The following CALN1 variants were observed in gnomAD, a reference collection of about 807,000 sequenced individuals.
The protein encoded by CALN1 is calneuron 1, also known as calcium-binding protein 8.
A neutral mutation model predicts 30.6 loss-of-function variants in CALN1; 17 were observed. The ratio of observed to expected loss-of-function variants is 0.56; its 90% CI spans 0.38 to 0.83. The LOEUF (loss-of-function observed/expected upper bound fraction) is 0.83, where lower values mean the gene tolerates loss of function less well. Among genes scored for constraint, CALN1 ranks in the 40% least tolerant of loss-of-function variants. CALN1 has a pLI of 0.00. For synonymous variants in CALN1, 156 were observed against 131.4 expected (o/e 1.19, Z -1.28); for missense variants, 291 against 354.9 (o/e 0.82, Z 1.45).
chr7:72,430,025 T>C (rs954006029), intron 1 of CALN1, among the ~76,000 whole-genome samples: 1 of 151,080 alleles, frequency 6.6e-6, no homozygotes, highest in Non-Finnish European at 1.5e-5. Flanking sequence ...TTCACCTTGT[T>C]GGCCAGGCTG....
intron 1 of CALN1, among the ~76,000 whole-genome samples, chr7:72,431,144 C>T (rs1229705010): frequency 1.3e-5 from 2 of 151,706 alleles, no homozygotes; most frequent in East Asian, 3.9e-4. Flanking sequence ...TGGCCAGGCT[C>T]GTCTCGAACT....
intron 2 of CALN1, among the ~76,000 whole-genome samples, chr7:72,303,138 A>T (rs901271245): frequency 7.2e-5 from 11 of 152,150 alleles, no homozygotes; most frequent in African/African-American, 2.2e-4. Context: ...GAAATCACTC[A>T]GTGAATTATT....
chr7:72,422,028 A>C (rs538757136), intron 1 of CALN1, among the ~76,000 whole-genome samples: 1 of 152,234 alleles, frequency 6.6e-6, no homozygotes, highest in Admixed American at 6.5e-5. Context: ...CCACTTGTGG[A>C]TCGACCCGCA....
chr7:72,484,400 T>C, the CALN1 span, among the ~76,000 whole-genome samples: 2 of 152,190 alleles, frequency 1.3e-5, no homozygotes, highest in Admixed American at 1.3e-4. Flanking sequence ...GAAAGACCTG[T>C]GAACTCTAAC....
At chr7:72,096,089 ATAAAGAT>A in intron 4 of CALN1, among the ~76,000 whole-genome samples, 1 of 152,170 alleles carries the variant, frequency 6.6e-6, no homozygotes, top group African/African-American at 2.4e-5. Context: ...AGATAGATAG[ATAAAGAT>A]AGATAGATAG....
intron 2 of CALN1, among the ~76,000 whole-genome samples, chr7:72,355,380 G>A (rs1240707658): frequency 1.3e-5 from 2 of 152,094 alleles, no homozygotes; most frequent in East Asian, 1.9e-4. Context: ...ACAAAAATTA[G>A]CTAGGCGTGG....
chr7:71,941,243 G>A (rs1296416660), intron 5 of CALN1, among the ~76,000 whole-genome samples: 1 of 128,260 alleles, frequency 7.8e-6, no homozygotes, highest in Non-Finnish European at 1.7e-5. Context: ...CCAGCTACTT[G>A]GGAGGCTGAG....
chr7:72,278,928 A>G (rs964967228), intron 2 of CALN1, 118 bp from the exon 3 acceptor site: 2 of 1,347,014 alleles, frequency 1.5e-6, no homozygotes, highest in South Asian at 1.4e-5. Flanking sequence ...AATAGCAGTA[A>G]TATTTCTAGT....
intron 5 of CALN1, among the ~76,000 whole-genome samples, chr7:71,935,066 A>G (rs77738352): frequency 0.049 from 7,494 of 152,272 alleles, 362 homozygotes; most frequent in East Asian, 0.15. Flanking sequence ...CAGCCAAACC[A>G]TATCAGGGTC....
rs146918292 is a variant in CALN1, at chr7:71,784,174, G to A, written c.*3601C>T. The A allele has an allele frequency of 6.6e-5, 10 of 152,276 alleles. No individual in the cohort carries two copies. Among genetic ancestry groups the A allele is most frequent in the Non-Finnish European group, 1.2e-4 (8 of 68,030 alleles). The allele number at this position is 152,276 out of a possible 1,614,324, so 9.4% of individuals were successfully genotyped here. A position where few individuals can be genotyped will look rare whatever the true frequency, so the allele number is the denominator to read the frequency against. On this transcript the variant is annotated 3_prime_UTR_variant, in exon 7 of 7. Coordinates refer to ENST00000395275, the MANE Select transcript of CALN1 (RefSeq NM_031468.4). Reference sequence around the variant, plus strand: ...CCCTGGGAGAAGGGGCTGGGAGTAGGGATGGGGAGATACCAGGGCTTACAG... The same window carrying A: ...CCCTGGGAGAAGGGGCTGGGAGTAGAGATGGGGAGATACCAGGGCTTACAG...
intron 3 of CALN1, among the ~76,000 whole-genome samples, chr7:72,221,656 G>A (rs1251972807): frequency 3.3e-5 from 5 of 152,088 alleles, no homozygotes; most frequent in East Asian, 1.9e-4. Context: ...TCTGGAAGGC[G>A]AGGAGAGCGG....
At chr7:71,857,435 G>T (rs999792767) in intron 5 of CALN1, among the ~76,000 whole-genome samples, 3 of 152,200 alleles carry the variant, frequency 2.0e-5, no homozygotes, top group Non-Finnish European at 2.9e-5. Context: ...GGAGGGGCTG[G>T]AAGTGCTGTC....
chr7:72,130,411 A>G (rs892577422), intron 3 of CALN1, among the ~76,000 whole-genome samples: 6 of 152,116 alleles, frequency 3.9e-5, no homozygotes, highest in Non-Finnish European at 8.8e-5. Context: ...TTACTTATGA[A>G]AAAAAGAAGA....
In CALN1 at chr7:71,832,356, G is replaced by A. The variant is rs189958584; in HGVS notation, c.502-21864C>T. Reference sequence around the variant, plus strand: ...AAGCCATTTCTGATGGGGTTTTGAAGGGGACGGAAAAGAGTCAAACAGCAA... The same window carrying A: ...AAGCCATTTCTGATGGGGTTTTGAAAGGGACGGAAAAGAGTCAAACAGCAA... On this transcript the variant is annotated intron_variant, in intron 5 of 6. Transcript: ENST00000395275. Among the ~76,000 whole-genome samples the A allele has an allele frequency of 1.8e-3, 267 of 152,316 alleles. 2 individuals are homozygous for A. Among genetic ancestry groups the A allele is most frequent in the Admixed American group, 0.016 (252 of 15,298 alleles).
intron 2 of CALN1, among the ~76,000 whole-genome samples, chr7:72,342,560 G>A (rs539382120): frequency 1.3e-5 from 2 of 152,274 alleles, no homozygotes; most frequent in South Asian, 4.1e-4. Context: ...TTTGTAGCTG[G>A]ATTTAGCATA....
At chr7:71,931,077 A>G (rs1359206617) in intron 5 of CALN1, among the ~76,000 whole-genome samples, 1 of 152,260 alleles carries the variant, frequency 6.6e-6, no homozygotes, top group African/African-American at 2.4e-5. Flanking sequence ...GAGAAAACAA[A>G]TTTCCAAAAA....
intron 2 of CALN1, among the ~76,000 whole-genome samples, chr7:72,375,099 T>C (rs1804479308): frequency 6.6e-6 from 1 of 152,222 alleles, no homozygotes. Context: ...TATTAATTTG[T>C]TATTGCTGCA....
the CALN1 span, among the ~76,000 whole-genome samples, chr7:72,494,566 G>A: frequency 6.6e-6 from 1 of 152,138 alleles, no homozygotes; most frequent in Non-Finnish European, 1.5e-5. Flanking sequence ...CAGAACACAT[G>A]TCTCGGGTAC....
intron 3 of CALN1, among the ~76,000 whole-genome samples, chr7:72,257,955 G>A (rs1796020884): frequency 6.6e-6 from 1 of 151,816 alleles, no homozygotes; most frequent in Admixed American, 6.6e-5. Context: ...GAACTCTGGG[G>A]ACTCGAGGGG....
Sources: gnomAD v4.1 joint callset for allele counts (sites outside exome capture counted in the v4.1 genomes callset) on GRCh38, gnomAD v4.1.1 for gene constraint, MANE v1.5 for transcripts, NCBI Gene and HGNC (gene_info 2026-07-23, HGNC 2026-07-21) for gene names.